Variants in ITSN1 observed in about 807,000 individuals in gnomAD.
ITSN1 encodes the protein intersectin-1.
Under a neutral mutation model 239.8 loss-of-function variants are expected in ITSN1, and 58 were observed. The ratio of observed to expected loss-of-function variants is 0.24; its 90% CI spans 0.20 to 0.30. The LOEUF (loss-of-function observed/expected upper bound fraction) is 0.30, where lower values mean the gene tolerates loss of function less well. ITSN1 is among the 10% of genes least tolerant of loss of function. The pLI, the probability that ITSN1 is intolerant of heterozygous loss-of-function variation, is 1.00. For synonymous variants in ITSN1, 780 were observed against 770.8 expected (o/e 1.01, Z -0.20); for missense variants, 1,558 against 2,103.3 (o/e 0.74, Z 5.07).
intron 5 of ITSN1, among the ~76,000 whole-genome samples, chr21:33,738,811 T>G (rs1256923947): frequency 6.6e-6 from 1 of 151,526 alleles, no homozygotes; most frequent in African/African-American, 2.4e-5. Flanking sequence ...GTTTTTTGTT[T>G]TGAGACAGGG....
At chr21:33,850,535 G>C (rs2075127675) in intron 29 of ITSN1, among the ~76,000 whole-genome samples, 3 of 152,230 alleles carry the variant, frequency 2.0e-5, no homozygotes, top group Admixed American at 2.0e-4. Context: ...AAGGATCCAA[G>C]TTGGCCTGGG....
chr21:33,882,273 T>C lies in ITSN1; in HGVS notation c.4372T>C (p.Leu1458=), dbSNP rs2148556858. 6.2e-7 allele frequency: 1 copy of C among 1,614,184 alleles called. No individual in the cohort carries two copies. Among genetic ancestry groups the C allele is most frequent in the East Asian group, 2.2e-5 (1 of 44,882 alleles). ...TGTGTTCAATTCAGTGACCAATTGCTTGGGGCCGCGCAAATTTCTGCACAG... is the reference window on the plus strand; with the variant it reads ...TGTGTTCAATTCAGTGACCAATTGCCTGGGGCCGCGCAAATTTCTGCACAG... ...QLVFNSVTNC[L]GPRKFLHSGK... Residue 1458 remains leucine, a synonymous_variant, in exon 35 of 40, where the codon TTG becomes CTG. Transcript: ENST00000381318. This position sits in a 1 kb window ranked among gnomAD's most constrained non-coding sequence, Gnocchi z 4.5.
chr21:33,718,854 G>T lies in ITSN1; in HGVS notation c.26G>T (p.Gly9Val). The T allele has an allele frequency of 6.2e-7, 1 of 1,613,044 alleles. No individual in the cohort carries two copies. Among genetic ancestry groups the T allele is most frequent in the Non-Finnish European group, 8.5e-7 (1 of 1,179,442 alleles). Residue 9 changes from glycine to valine, a missense_variant and splice_region_variant, in exon 2 of 40, where the codon GGT (glycine) becomes GTT (valine). By Grantham distance (109) the Gly-to-Val change is moderately radical (BLOSUM62 -3). Transcript: ENST00000381318. The stretch of plus-strand genomic sequence containing the variant: ...ATGGCTCAGTTTCCAACACCTTTTG[G>T]TGGTAAGTTTTCAGAAATTTCTCTT... MAQFPTPF[G>V]GSLDIWAITV...
chr21:33,696,396 T>C (rs533466183), intron 1 of ITSN1, among the ~76,000 whole-genome samples: 10 of 152,366 alleles, frequency 6.6e-5, no homozygotes, highest in African/African-American at 2.4e-4. Context: ...GACTCAGTTG[T>C]ATTGGACAGG....
intron 4 of ITSN1, among the ~76,000 whole-genome samples, chr21:33,727,542 A>C (rs1384889823): frequency 2.6e-5 from 4 of 151,480 alleles, no homozygotes; most frequent in Non-Finnish European, 2.9e-5. Context: ...TACTTTCTTA[A>C]GACACTCCTG....
At chr21:33,753,101 G>A (rs549772907) in intron 7 of ITSN1, among the ~76,000 whole-genome samples, 5 of 152,224 alleles carry the variant, frequency 3.3e-5, no homozygotes, top group South Asian at 2.1e-4. Context: ...TATGTTACTC[G>A]TGCAACAGAA....
intron 34 of ITSN1, among the ~76,000 whole-genome samples, chr21:33,878,007 T>TC (rs1491564395): frequency 2.5e-5 from 3 of 118,806 alleles, no homozygotes; most frequent in African/African-American, 1.3e-4. Context: ...TCTCTCTCTC[T>TC]TTGTGTGTGT....
chr21:33,837,873 A>G (rs2074679598), intron 29 of ITSN1: 6 of 985,888 alleles, frequency 6.1e-6, no homozygotes, highest in Non-Finnish European at 7.2e-6. Flanking sequence ...ATCAGTAGAC[A>G]ACACCACTGA....
intron 24 of ITSN1, among the ~76,000 whole-genome samples, chr21:33,820,031 A>C (rs1327324841): frequency 6.6e-6 from 1 of 152,096 alleles, no homozygotes; most frequent in Admixed American, 6.5e-5. Flanking sequence ...TACACAGACC[A>C]CTAGAGTTCT....
At chr21:33,686,969 A>G (rs1382178728) in intron 1 of ITSN1, among the ~76,000 whole-genome samples, 3 of 152,172 alleles carry the variant, frequency 2.0e-5, no homozygotes, top group Admixed American at 6.5e-5. Context: ...CAATTTGGAC[A>G]TGCTTCCTAT....
chr21:33,808,930 T>C (rs934028696), intron 20 of ITSN1, among the ~76,000 whole-genome samples: 42 of 152,314 alleles, frequency 2.8e-4, no homozygotes, highest in African/African-American at 8.9e-4. Flanking sequence ...CTATTGAACC[T>C]ACTGAGAAGT....
At chr21:33,777,307 A>G (rs567725657) in intron 14 of ITSN1, among the ~76,000 whole-genome samples, 99 of 152,230 alleles carry the variant, frequency 6.5e-4, no homozygotes, top group African/African-American at 2.2e-3. Flanking sequence ...TCTGGACTCT[A>G]TTCTGTTCTT....
intron 38 of ITSN1, 76 bp downstream of exon 38, chr21:33,885,598 C>T (rs1276361765): frequency 1.0e-5 from 11 of 1,089,450 alleles, no homozygotes; most frequent in African/African-American, 1.5e-5. Context: ...CCCCACCTGG[C>T]TCTAGATCAA....
intron 31 of ITSN1, among the ~76,000 whole-genome samples, chr21:33,863,376 C>T (rs1313202915): frequency 6.6e-6 from 1 of 152,222 alleles, no homozygotes; most frequent in African/African-American, 2.4e-5. Context: ...GCGGCCGGGG[C>T]CGGGCACGGT....
chr21:33,800,277 A>G (rs953097734), intron 19 of ITSN1, among the ~76,000 whole-genome samples: 1 of 151,770 alleles, frequency 6.6e-6, no homozygotes, highest in Non-Finnish European at 1.5e-5. Flanking sequence ...TGTATAGACA[A>G]TATATATACT....
At chr21:33,881,264 G>A (rs192660444) in intron 34 of ITSN1, among the ~76,000 whole-genome samples, 8 of 152,142 alleles carry the variant, frequency 5.3e-5, no homozygotes, top group East Asian at 3.9e-4. Context: ...AAAATTAGCC[G>A]GGCGTGGTCG....
chr21:33,820,185 C>G (rs1602433700), intron 24 of ITSN1, among the ~76,000 whole-genome samples: 1 of 152,052 alleles, frequency 6.6e-6, no homozygotes, highest in East Asian at 1.9e-4. Flanking sequence ...TAATTGCCTT[C>G]TTTCTCAATC....
chr21:33,646,931 A>C (rs1285652927), intron 1 of ITSN1, among the ~76,000 whole-genome samples: 1 of 151,966 alleles, frequency 6.6e-6, no homozygotes, highest in Non-Finnish European at 1.5e-5. Flanking sequence ...GGCTGCAGTG[A>C]GCTATGATTG....
chr21:33,757,409 T>C (rs2068004513), intron 8 of ITSN1, among the ~76,000 whole-genome samples: 1 of 152,238 alleles, frequency 6.6e-6, no homozygotes, highest in South Asian at 2.1e-4. Flanking sequence ...ATTGTTTATC[T>C]GCATACTTAT....
Sources: gnomAD v4.1 joint callset for allele counts (sites outside exome capture counted in the v4.1 genomes callset) on GRCh38, gnomAD v4.1.1 for gene constraint, Gnocchi (gnomAD v3.1) non-coding constraint, MANE v1.5 for transcripts, NCBI Gene and HGNC (gene_info 2026-07-23, HGNC 2026-07-21) for gene names.